The following CRADD variants were observed in gnomAD, a reference collection of about 807,000 sequenced individuals.
CRADD encodes death domain-containing protein CRADD.
Under a neutral mutation model 15.5 loss-of-function variants are expected in CRADD, and 9 were observed. The ratio of observed to expected loss-of-function variants is 0.58; its 90% CI spans 0.35 to 1.01. The LOEUF (loss-of-function observed/expected upper bound fraction) is 1.01. Ranked by LOEUF, CRADD falls within the 50% of genes least tolerant of loss-of-function variation. CRADD has a pLI of 0.02. For synonymous variants in CRADD, 118 were observed against 107.6 expected, an observed-to-expected ratio of 1.10 and a Z score of -0.60; for missense variants, 227 against 250.3, an observed-to-expected ratio of 0.91 and a Z score of 0.63.
intron 2 of CRADD, among the ~76,000 whole-genome samples, chr12:93,714,047 C>G (rs1387378645): frequency 6.6e-6 from 1 of 152,164 alleles, no homozygotes; most frequent in African/African-American, 2.4e-5. Context: ...AAAAGAGATT[C>G]TTTCTGTTCT....
intron 2 of CRADD, among the ~76,000 whole-genome samples, chr12:93,690,618 C>T (rs1955541626): frequency 6.6e-6 from 1 of 152,132 alleles, no homozygotes; most frequent in Admixed American, 6.5e-5. Context: ...TCATAATAGC[C>T]CTTTGAGGTA....
intron 2 of CRADD, among the ~76,000 whole-genome samples, chr12:93,743,511 A>G (rs1415963262): frequency 6.6e-6 from 1 of 152,090 alleles, no homozygotes; most frequent in East Asian, 1.9e-4. Context: ...TGTATTTTTT[A>G]GTAAAGATTT....
intron 2 of CRADD, among the ~76,000 whole-genome samples, chr12:93,794,482 TC>T (rs1388290939): frequency 6.6e-6 from 1 of 152,180 alleles, no homozygotes; most frequent in Non-Finnish European, 1.5e-5. Context: ...CCTTGATTGC[TC>T]TTTTTCCCTC....
At chr12:93,826,689 C>G (rs1188805947) in intron 2 of CRADD, 2 of 152,252 alleles carry the variant, frequency 1.3e-5, no homozygotes, top group East Asian at 3.9e-4. Flanking sequence ...CCCACGGAGT[C>G]TTTTTCTCAG....
intron 2 of CRADD, among the ~76,000 whole-genome samples, chr12:93,880,510 C>T (rs1375273192): frequency 6.6e-6 from 1 of 152,114 alleles, no homozygotes; most frequent in South Asian, 2.1e-4. Context: ...CGCAGCTCAC[C>T]GTCTTGCTTT....
intron 2 of CRADD, among the ~76,000 whole-genome samples, chr12:93,795,343 C>T (rs1957402482): frequency 6.6e-6 from 1 of 152,166 alleles, no homozygotes; most frequent in African/African-American, 2.4e-5. Flanking sequence ...TGTGTGCTTG[C>T]AAACTGTGTA....
intron 2 of CRADD, among the ~76,000 whole-genome samples, chr12:93,800,221 G>A (rs2136995879): frequency 1.3e-5 from 2 of 152,274 alleles, no homozygotes; most frequent in Middle Eastern, 3.4e-3. Context: ...GACTGGGGGT[G>A]TATAGGGTGG....
intron 2 of CRADD, among the ~76,000 whole-genome samples, chr12:93,728,106 C>G (rs750618417): frequency 6.6e-6 from 1 of 152,156 alleles, no homozygotes; most frequent in East Asian, 1.9e-4. Context: ...GTACATATTA[C>G]GTGTTCAATA....
At chr12:93,825,016 A>G (rs551610430) in intron 2 of CRADD, among the ~76,000 whole-genome samples, 12 of 152,234 alleles carry the variant, frequency 7.9e-5, no homozygotes, top group African/African-American at 2.6e-4. Flanking sequence ...TGCTGTTGGT[A>G]TTTTTTGTTA....
intron 2 of CRADD, among the ~76,000 whole-genome samples, chr12:93,842,396 AACAG>A (rs933005517): frequency 1.1e-4 from 17 of 152,282 alleles, no homozygotes; most frequent in Middle Eastern, 3.4e-3. Context: ...GATGAAGTCA[AACAG>A]ACAGCTAGTG....
At chr12:93,760,810 A>G (rs1956945874) in intron 2 of CRADD, among the ~76,000 whole-genome samples, 1 of 151,970 alleles carries the variant, frequency 6.6e-6, no homozygotes, top group African/African-American at 2.4e-5. Context: ...TTCTCTGCTG[A>G]TTTCTTTAGT....
At chr12:93,841,784 T>G (rs1236295965) in intron 2 of CRADD, among the ~76,000 whole-genome samples, 1 of 152,196 alleles carries the variant, frequency 6.6e-6, no homozygotes, top group East Asian at 1.9e-4. Context: ...TTTAGCCCTG[T>G]CTTCTAAAAA....
intron 2 of CRADD, among the ~76,000 whole-genome samples, chr12:93,792,871 G>GT (rs1302826269): frequency 6.6e-6 from 1 of 152,092 alleles, no homozygotes; most frequent in Non-Finnish European, 1.5e-5. Flanking sequence ...CTGGATTGAG[G>GT]TTTTCCATAA....
chr12:93,831,622 G>A (rs929801361), intron 2 of CRADD, among the ~76,000 whole-genome samples: 1 of 152,210 alleles, frequency 6.6e-6, no homozygotes, highest in Non-Finnish European at 1.5e-5. Context: ...GATACTTCTT[G>A]GGATCTGCTT....
intron 2 of CRADD, among the ~76,000 whole-genome samples, chr12:93,834,181 T>C (rs1268697099): frequency 2.0e-5 from 3 of 152,198 alleles, no homozygotes; most frequent in Non-Finnish European, 2.9e-5. Context: ...GAACTCTTGA[T>C]CGGTTAGGTC....
chr12:93,686,304 C>CAAAAAAAAAAAAAAA (rs59096792), intron 2 of CRADD, among the ~76,000 whole-genome samples: 2 of 65,998 alleles, frequency 3.0e-5, no homozygotes, highest in Non-Finnish European at 5.4e-5. Flanking sequence ...CCATCCCCCC[C>CAAAAAAAAAAAAAAA]AAAAAAAAAA....
chr12:93,870,078 A>G lies in CRADD; in HGVS notation c.299-23972A>G, dbSNP rs1958405271. The stretch of plus-strand genomic sequence containing the variant: ...CATTTAATACGTGGAAATAAATATA[A>G]GAGTCACTGAAAATGATTCATCAGA... On this transcript the variant is annotated intron_variant, in intron 2 of 2. Coordinates refer to the CRADD transcript ENST00000548483. Among the ~76,000 whole-genome samples, 5 of 152,220 alleles carry G rather than the reference A, an allele frequency of 3.3e-5. No individual in the cohort carries two copies. The South Asian group carries it at 1.0e-3, about 32-fold the overall frequency.
chr12:93,727,884 G>A (rs1022035843), intron 2 of CRADD, among the ~76,000 whole-genome samples: 3 of 152,140 alleles, frequency 2.0e-5, no homozygotes, highest in Admixed American at 1.3e-4. Flanking sequence ...CTGTTCAAGG[G>A]GGAAACTGGG....
At chr12:93,871,783 G>A (rs1244052375) in intron 2 of CRADD, among the ~76,000 whole-genome samples, 2 of 152,130 alleles carry the variant, frequency 1.3e-5, no homozygotes, top group Non-Finnish European at 2.9e-5. Context: ...TTATGTATAT[G>A]TACCACATTT....
Sources: gnomAD v4.1 joint callset for allele counts (sites outside exome capture counted in the v4.1 genomes callset) on GRCh38, gnomAD v4.1.1 for gene constraint, MANE v1.5 for transcripts, NCBI Gene and HGNC (gene_info 2026-07-23, HGNC 2026-07-21) for gene names.